The following ABI1 variants were observed in gnomAD, a reference collection of about 807,000 sequenced individuals.
The protein encoded by ABI1 is Abelson interactor 1.
Under a neutral mutation model 54.6 loss-of-function variants are expected in ABI1, and 14 were observed. That is an observed-to-expected ratio of 0.26 (90% CI 0.17 to 0.40). ABI1 has a LOEUF of 0.40. Ranked by LOEUF, ABI1 falls within the 10% of genes least tolerant of loss-of-function variation. ABI1 has a pLI of 1.00. For synonymous variants in ABI1, 194 were observed against 209.3 expected, an observed-to-expected ratio of 0.93 and a Z score of 0.63; for missense variants, 443 against 598.3, an observed-to-expected ratio of 0.74 and a Z score of 2.71.
intron 2 of ABI1, among the ~76,000 whole-genome samples, chr10:26,789,367 G>A (rs1468562564): frequency 6.6e-6 from 1 of 151,968 alleles, no homozygotes; most frequent in African/African-American, 2.4e-5. Flanking sequence ...ATGTACAGGG[G>A]GAATCACCTT....
intron 2 of ABI1, among the ~76,000 whole-genome samples, chr10:26,814,582 T>C (rs941510061): frequency 1.3e-5 from 2 of 152,206 alleles, no homozygotes; most frequent in Non-Finnish European, 2.9e-5. Flanking sequence ...CTGGCACCTT[T>C]AGATGACTAC....
intron 6 of ABI1, among the ~76,000 whole-genome samples, chr10:26,766,087 T>C (rs556496306): frequency 1.3e-5 from 2 of 152,330 alleles, no homozygotes; most frequent in South Asian, 4.1e-4. Flanking sequence ...TACTCCGTTC[T>C]AGTCTAAAAT....
chr10:26,828,788 C>T (rs553613086), intron 1 of ABI1, among the ~76,000 whole-genome samples: 3 of 152,156 alleles, frequency 2.0e-5, no homozygotes, highest in South Asian at 2.1e-4. Flanking sequence ...AAATTATTAC[C>T]GATACTGTTA....
At chr10:26,789,519 C>A (rs964916420) in intron 2 of ABI1, among the ~76,000 whole-genome samples, 1 of 152,078 alleles carries the variant, frequency 6.6e-6, no homozygotes, top group African/African-American at 2.4e-5. Flanking sequence ...ACTGTTTAAT[C>A]CCCTTTTCAG....
At chr10:26,754,291 A>G (rs1367238221) in intron 9 of ABI1, among the ~76,000 whole-genome samples, 1 of 152,174 alleles carries the variant, frequency 6.6e-6, no homozygotes, top group African/African-American at 2.4e-5. Context: ...CTGGAACTAC[A>G]GGCACATGCC....
At chr10:26,811,212 A>G (rs1289298640) in intron 2 of ABI1, among the ~76,000 whole-genome samples, 2 of 152,188 alleles carry the variant, frequency 1.3e-5, no homozygotes, top group African/African-American at 2.4e-5. Context: ...GTAATAATTA[A>G]GAAAATTTTA....
intron 1 of ABI1, among the ~76,000 whole-genome samples, chr10:26,852,344 T>C (rs1031708528): frequency 6.6e-6 from 1 of 152,064 alleles, no homozygotes; most frequent in African/African-American, 2.4e-5. Flanking sequence ...CCAGGCGTGG[T>C]GGCGCATCCC....
intron 2 of ABI1, 39 bp downstream of exon 2, chr10:26,823,099 T>A: frequency 6.5e-7 from 1 of 1,532,452 alleles, no homozygotes; most frequent in Non-Finnish European, 8.7e-7. Flanking sequence ...TGCTGTAGTT[T>A]TTTTTAAATT....
chr10:26,856,433 CAAAAAAAAAAAAAAAAAA>C (rs58195958), intron 1 of ABI1, among the ~76,000 whole-genome samples: 1 of 57,772 alleles, frequency 1.7e-5, no homozygotes, highest in Admixed American at 2.3e-4. Context: ...ATCTGTTACT[CAAAAAAAAAAAAAAAAAA>C]AAAAAAAAAA....
intron 9 of ABI1, 53 bp downstream of exon 9, chr10:26,755,602 T>A: frequency 7.2e-7 from 1 of 1,391,634 alleles, no homozygotes; most frequent in South Asian, 1.2e-5. Flanking sequence ...CAGCCATGCA[T>A]GCTATAAGGA....
chr10:26,858,711 TAAAGGA>T (rs1271934129), intron 1 of ABI1, among the ~76,000 whole-genome samples: 5 of 150,126 alleles, frequency 3.3e-5, no homozygotes, highest in African/African-American at 1.2e-4. Context: ...GCAAGAGGAG[TAAAGGA>T]AAGGGGTCAG....
chr10:26,821,001 G>A (rs1355167579), intron 2 of ABI1, among the ~76,000 whole-genome samples: 1 of 94,800 alleles, frequency 1.1e-5, no homozygotes, highest in African/African-American at 4.9e-5. Flanking sequence ...CTAGCACTTC[G>A]GGAGGCCAAG....
rs1044737324 is a variant in ABI1, at chr10:26,747,066, G to A, written c.*1504C>T. On this transcript the variant is annotated 3_prime_UTR_variant, in exon 11 of 11. Transcript: ENST00000376140. ...ACAAAGGCAAAATGCATATGAAATA[G>A]TCACATTGATTTGGTAGCAATAATG... 4.4e-6 allele frequency: 1 copy of A among 228,808 alleles called. No individual in the cohort carries two copies. 14.2% of individuals were successfully genotyped at this position (228,808 alleles called of 1,614,324 possible).
At chr10:26,804,382 A>T (rs12244505) in intron 2 of ABI1, among the ~76,000 whole-genome samples, 23,229 of 138,234 alleles carry the variant, frequency 0.17, 2,471 homozygotes, top group African/African-American at 0.33. Context: ...GGCTCTATTT[A>T]AAAAAAAAAA....
Position 26,777,212 on chromosome 10 carries a change from T to C in ABI1, c.315A>G (p.Ala105=), listed in dbSNP as rs1268708628. The change falls in exon 3 of 11, where the codon GCA becomes GCG. Residue 105 remains alanine (A), a synonymous_variant. Transcript: ENST00000376140. ...QTVDIHKEKV[A]RREIGILTTN... ...TTGTCAAAATACCAATCTCTCTTCG[T>C]GCCACTTTCTCCTTATGAATATCCA... is the stretch of plus-strand genomic sequence containing the variant. 3 of 1,610,068 alleles carry C rather than the reference T, an allele frequency of 1.9e-6. No homozygotes were observed. Among genetic ancestry groups the C allele is most frequent in the East Asian group, 2.2e-5 (1 of 44,820 alleles).
In ABI1 at chr10:26,777,103, C is replaced by T. The variant is rs1231592952; in HGVS notation, c.424G>A (p.Asp142Asn). The change falls in exon 3 of 11, where the codon GAT becomes AAT. Residue 142 changes from aspartate (D) to asparagine (N), a missense_variant. This residue lies in a region of ABI1 where 394 missense variants were observed against 484.8 expected (regional missense o/e 0.81). Transcript: ENST00000376140. ...RPVRYIRKPI[D>N]YTVLDDVGHG... The stretch of plus-strand genomic sequence containing the variant: ...CCCACATCATCCAGAACTGTGTAAT[C>T]GATAGGTTTCCGAATATACCTTACA... The T allele has an allele frequency of 1.4e-5, 23 of 1,612,712 alleles. No individual in the cohort carries two copies. The highest frequency in any genetic ancestry group is 6.7e-5 in the Admixed American group (4 of 59,654).
Position 26,748,663 on chromosome 10 carries a change from C to T in ABI1, c.1353G>A (p.Lys451=). The change falls in exon 11 of 11, where the codon AAG becomes AAA. Residue 451 remains lysine (K), a synonymous_variant. Coordinates refer to ENST00000376140, the MANE Select transcript of ABI1 (RefSeq NM_001012750.3). ...CTCCTTCATACCAGCCATCATCATT[C>T]TTCTTTATAACATAAATGATTGCAC... ...MEGAIIYVIK[K]NDDGWYEGVC... The T allele has an allele frequency of 6.2e-7, 1 of 1,613,488 alleles. No individual in the cohort carries two copies. Among genetic ancestry groups the T allele is most frequent in the East Asian group, 2.2e-5 (1 of 44,820 alleles).
At chr10:26,801,713 T>C (rs1047920632) in intron 2 of ABI1, among the ~76,000 whole-genome samples, 8 of 152,234 alleles carry the variant, frequency 5.3e-5, no homozygotes, top group African/African-American at 1.7e-4. Flanking sequence ...TGATTTTTCA[T>C]TAACTGAAGT....
At chr10:26,841,438 A>G (rs1429104966) in intron 1 of ABI1, among the ~76,000 whole-genome samples, 1 of 148,060 alleles carries the variant, frequency 6.8e-6, no homozygotes, top group Non-Finnish European at 1.5e-5. Flanking sequence ...TGGCAAGGAC[A>G]GCTAAAAATC....
Sources: gnomAD v4.1 joint callset for allele counts (sites outside exome capture counted in the v4.1 genomes callset) on GRCh38, gnomAD v4.1.1 for gene constraint, gnomAD v4.1.1 regional missense constraint, MANE v1.5 for transcripts, NCBI Gene and HGNC (gene_info 2026-07-23, HGNC 2026-07-21) for gene names.